Variants in SCML2 observed in about 807,000 individuals in gnomAD.
SCML2 encodes the protein Scm polycomb group protein like 2, also known as sex comb on midleg-like protein 2.
SCML2 carries 6 observed loss-of-function variants against 48.4 expected under a neutral mutation model. The observed-to-expected ratio is 0.12, with a 90% CI of 0.07 to 0.24. The LOEUF (loss-of-function observed/expected upper bound fraction) is 0.24, where lower values mean the gene tolerates loss of function less well. Among genes scored for constraint, SCML2 ranks in the 10% least tolerant of loss-of-function variants. SCML2 has a pLI of 1.00. For missense variants in SCML2, 377 were observed against 528.2 expected (o/e 0.71, Z 2.81); for synonymous variants, 181 against 189.5 (o/e 0.95, Z 0.37).
chrX:18,326,679 CAA>C (rs368286831), intron 3 of SCML2, among the ~76,000 whole-genome samples: 28 of 57,702 alleles, frequency 4.9e-4, no homozygotes, highest in Admixed American at 1.6e-3. Flanking sequence ...GACTCCATCT[CAA>C]AAAAAAAAAA....
At chrX:18,242,098 C>T (rs1352626462) in intron 14 of SCML2, among the ~76,000 whole-genome samples, 1 of 111,546 alleles carries the variant, frequency 9.0e-6, no homozygotes, top group Non-Finnish European at 1.9e-5. Flanking sequence ...TGTGGTCAAC[C>T]CCTCCTACTC....
chrX:18,266,815 A>G lies in SCML2; in HGVS notation c.731-1013T>C, dbSNP rs544283208. Among the ~76,000 whole-genome samples, 58 of 111,652 alleles carry G rather than the reference A, an allele frequency of 5.2e-4. No individual in the cohort carries two copies. The South Asian group carries it at 0.012, about 23-fold the overall frequency. ...CCTACGGCCTTTTCATCTACCTTCT[A>G]CCACTTACCAAACCAAAAGGAAGGA... is the stretch of plus-strand genomic sequence containing the variant. On this transcript the variant is annotated intron_variant, in intron 7 of 14. Coordinates refer to ENST00000251900, the MANE Select transcript of SCML2 (RefSeq NM_006089.3).
Position 18,263,817 on chromosome X carries a change from T to G in SCML2, c.948+1768A>C, listed in dbSNP as rs1054022202. 4.5e-5 allele frequency among the ~76,000 whole-genome samples: 5 copies of G among 110,757 alleles called. No individual in the cohort carries two copies. The East Asian group carries it at 8.4e-4, about 19-fold the overall frequency. On this transcript the variant is annotated intron_variant, in intron 8 of 14. Transcript: ENST00000251900. ...TACAGAATTTCAGGTTGATAGTTTTTTTTTTTTTTTTCCTTTCAGCCCTTT... is the reference window on the plus strand; with the variant it reads ...TACAGAATTTCAGGTTGATAGTTTTGTTTTTTTTTTTCCTTTCAGCCCTTT...
At chrX:18,265,104 C>A (rs1004263755) in intron 8 of SCML2, among the ~76,000 whole-genome samples, 2 of 112,047 alleles carry the variant, frequency 1.8e-5, no homozygotes, top group African/African-American at 6.5e-5. Context: ...CCAGTGAGTA[C>A]TTCCCCTGCC....
chrX:18,312,978 C>CAT (rs1373490623), intron 6 of SCML2, among the ~76,000 whole-genome samples: 3 of 94,995 alleles, frequency 3.2e-5, no homozygotes, highest in African/African-American at 1.2e-4. Context: ...AATGGGTGTG[C>CAT]GTGTGTGTGT....
At chrX:18,350,001 G>A (rs892856064) in intron 1 of SCML2, among the ~76,000 whole-genome samples, 7 of 112,430 alleles carry the variant, frequency 6.2e-5, no homozygotes, top group African/African-American at 1.6e-4. Flanking sequence ...GGTGGCTCAC[G>A]CCTGTAATCC....
chrX:18,287,460 A>C (rs1441415203), intron 7 of SCML2, among the ~76,000 whole-genome samples: 1 of 111,850 alleles, frequency 8.9e-6, no homozygotes, highest in African/African-American at 3.2e-5. Context: ...AAAACATTAT[A>C]CCTTAATCTG....
At chrX:18,319,529 A>G (rs1354513410) in intron 6 of SCML2, among the ~76,000 whole-genome samples, 3 of 103,915 alleles carry the variant, frequency 2.9e-5, no homozygotes, top group Non-Finnish European at 5.9e-5. Context: ...CCTGGGAGGC[A>G]GAGGTTGCAG....
intron 1 of SCML2, among the ~76,000 whole-genome samples, chrX:18,347,587 G>A (rs1602156144): frequency 1.9e-5 from 2 of 107,877 alleles, no homozygotes; most frequent in Non-Finnish European, 3.8e-5. Context: ...CCCCGTCTGC[G>A]GTGGTACACA....
intron 7 of SCML2, among the ~76,000 whole-genome samples, chrX:18,300,271 G>A (rs1260338506): frequency 2.8e-5 from 3 of 107,722 alleles, no homozygotes; most frequent in African/African-American, 6.8e-5. Context: ...GTGATGGTGC[G>A]CACCTGTAGT....
At chrX:18,277,183 A>G (rs1340023072) in intron 7 of SCML2, among the ~76,000 whole-genome samples, 2 of 111,057 alleles carry the variant, frequency 1.8e-5, no homozygotes, top group Non-Finnish European at 3.8e-5. Context: ...AGATCCTCCC[A>G]CTTCAGCCTC....
At chrX:18,291,043 AG>A (rs1207177662) in intron 7 of SCML2, among the ~76,000 whole-genome samples, 1 of 111,887 alleles carries the variant, frequency 8.9e-6, no homozygotes, top group Non-Finnish European at 1.9e-5. Flanking sequence ...GATACAGAAG[AG>A]GGGGGAGCAC....
chrX:18,262,863 G>T (rs1170989165), intron 8 of SCML2, among the ~76,000 whole-genome samples: 2 of 107,773 alleles, frequency 1.9e-5, no homozygotes, highest in East Asian at 5.8e-4. Context: ...CTACATGCGT[G>T]TGCCACTGCA....
chrX:18,314,724 G>A (rs988729000), intron 6 of SCML2, among the ~76,000 whole-genome samples: 3 of 111,886 alleles, frequency 2.7e-5, no homozygotes, highest in Non-Finnish European at 5.6e-5. Context: ...TCACAGTCCA[G>A]GAAGAGAGAC....
intron 2 of SCML2, among the ~76,000 whole-genome samples, chrX:18,332,555 T>C (rs1379273989): frequency 8.9e-6 from 1 of 112,145 alleles, no homozygotes; most frequent in Non-Finnish European, 1.9e-5. Flanking sequence ...AGAAAGGTAG[T>C]TTCTCTATAT....
At chrX:18,308,792 G>A (rs1928849004) in intron 6 of SCML2, among the ~76,000 whole-genome samples, 1 of 111,704 alleles carries the variant, frequency 9.0e-6, no homozygotes, top group African/African-American at 3.3e-5. Flanking sequence ...ACAATAGCCA[G>A]ATATGGAATC....
chrX:18,246,097 C>T (rs767473750), intron 13 of SCML2, among the ~76,000 whole-genome samples: 1 of 112,037 alleles, frequency 8.9e-6, no homozygotes, highest in African/African-American at 3.2e-5. Flanking sequence ...CATGTCATGA[C>T]TTCCTGGTGG....
chrX:18,286,690 ATCATCACTTAAAAACTTC>A (rs1307647385), intron 7 of SCML2, among the ~76,000 whole-genome samples: 1 of 110,832 alleles, frequency 9.0e-6, no homozygotes, highest in Non-Finnish European at 1.9e-5. Context: ...TCTTCCTTGT[ATCATCACTTAAAAACTTC>A]TCTGAGATAC....
intron 7 of SCML2, among the ~76,000 whole-genome samples, chrX:18,274,399 A>G (rs1927562250): frequency 8.9e-6 from 1 of 112,300 alleles, no homozygotes; most frequent in African/African-American, 3.2e-5. Flanking sequence ...CCCACCCATG[A>G]AGGGGTCAGG....
Sources: gnomAD v4.1 joint callset for allele counts (sites outside exome capture counted in the v4.1 genomes callset) on GRCh38, gnomAD v4.1.1 for gene constraint, MANE v1.5 for transcripts, NCBI Gene and HGNC (gene_info 2026-07-23, HGNC 2026-07-21) for gene names.